The following DACH2 variants were observed in gnomAD, a reference collection of about 807,000 sequenced individuals.
DACH2 encodes the protein dachshund homolog 2.
DACH2 carries 17 observed loss-of-function variants against 35.8 expected under a neutral mutation model. The ratio of observed to expected loss-of-function variants is 0.48; its 90% CI spans 0.33 to 0.71. The LOEUF (loss-of-function observed/expected upper bound fraction) is 0.71. DACH2 is among the 30% of genes least tolerant of loss of function. The probability of loss-of-function intolerance (pLI) is 0.02; values close to 1 mark genes in which losing one functional copy is unlikely to be tolerated. For synonymous variants in DACH2, 195 were observed against 177.3 expected (o/e 1.10, Z -0.79); for missense variants, 469 against 472.7 (o/e 0.99, Z 0.07).
intron 1 of DACH2, among the ~76,000 whole-genome samples, chrX:86,220,619 C>G (rs1391341456): frequency 8.9e-6 from 1 of 112,095 alleles, no homozygotes; most frequent in Non-Finnish European, 1.9e-5. Context: ...TCCATTTGTA[C>G]ATTAAAGAAT....
chrX:86,509,261 G>A (rs1010986403), intron 2 of DACH2, among the ~76,000 whole-genome samples: 1 of 111,554 alleles, frequency 9.0e-6, no homozygotes, highest in Non-Finnish European at 1.9e-5. Context: ...TCTTTGTATT[G>A]ATCACTCCTG....
intron 1 of DACH2, among the ~76,000 whole-genome samples, chrX:86,195,100 G>T (rs893659902): frequency 1.8e-5 from 2 of 113,011 alleles, no homozygotes; most frequent in African/African-American, 6.4e-5. Context: ...CCCACAGCAA[G>T]CCTGCACATC....
intron 4 of DACH2, among the ~76,000 whole-genome samples, chrX:86,691,622 G>A (rs1334228292): frequency 9.0e-6 from 1 of 111,389 alleles, no homozygotes; most frequent in East Asian, 2.8e-4. Flanking sequence ...GCATGAACTC[G>A]CACAGAGGAA....
chrX:86,553,805 C>T (rs2039081297), intron 3 of DACH2, among the ~76,000 whole-genome samples: 1 of 111,753 alleles, frequency 8.9e-6, no homozygotes, highest in African/African-American at 3.3e-5. Flanking sequence ...GGGATCACCC[C>T]CATGGCAAAC....
chrX:86,542,760 C>T (rs2038903523), intron 3 of DACH2, among the ~76,000 whole-genome samples: 1 of 111,895 alleles, frequency 8.9e-6, no homozygotes, highest in African/African-American at 3.3e-5. Flanking sequence ...GCTGTCTGTG[C>T]ATATGGGCCT....
intron 6 of DACH2, among the ~76,000 whole-genome samples, chrX:86,735,380 A>G (rs2041584117): frequency 8.9e-6 from 1 of 111,858 alleles, no homozygotes. Flanking sequence ...AAAAAACTAA[A>G]TTTTCTAAAC....
intron 2 of DACH2, among the ~76,000 whole-genome samples, chrX:86,457,658 A>G (rs758827498): frequency 3.5e-5 from 4 of 112,692 alleles, no homozygotes; most frequent in African/African-American, 1.3e-4. Context: ...AGTAAATGAA[A>G]TAAATCTTTA....
chrX:86,694,207 A>AT (rs1415763792), intron 4 of DACH2, among the ~76,000 whole-genome samples: 3 of 111,728 alleles, frequency 2.7e-5, no homozygotes, highest in Non-Finnish European at 5.6e-5. Context: ...CTGCACAACC[A>AT]TTTTGTTTTC....
chrX:86,614,505 T>C (rs756886712), intron 3 of DACH2, among the ~76,000 whole-genome samples: 13 of 112,040 alleles, frequency 1.2e-4, no homozygotes, highest in Admixed American at 3.8e-4. Context: ...AGAGGAGATG[T>C]TATCCCATTT....
intron 1 of DACH2, among the ~76,000 whole-genome samples, chrX:86,328,795 C>T (rs1315357009): frequency 9.0e-6 from 1 of 111,313 alleles, no homozygotes; most frequent in East Asian, 2.8e-4. Flanking sequence ...CCCCACTTTC[C>T]CTTCTTGCTT....
chrX:86,672,094 A>G (rs1350642747), intron 4 of DACH2, among the ~76,000 whole-genome samples: 1 of 111,833 alleles, frequency 8.9e-6, no homozygotes, highest in East Asian at 2.8e-4. Flanking sequence ...GAGAGAGATG[A>G]TTTAGAGTAT....
In DACH2 at chrX:86,278,049, AG is replaced by A. The variant is rs760974439; in HGVS notation, c.489-98774del. ...TGGTTAGACCGAGAAGATGCTCCAA[AG>A]CACTTCCCAAAGCCAAACTTGCACC... On this transcript the variant is annotated intron_variant, in intron 1 of 11. Transcript: ENST00000373125. Among the ~76,000 whole-genome samples the A allele has an allele frequency of 6.3e-5, 7 of 111,701 alleles. No homozygotes were observed. In the South Asian group the frequency reaches 2.7e-3, roughly 43 times the overall value.
chrX:86,505,943 A>G (rs925636119), intron 2 of DACH2, among the ~76,000 whole-genome samples: 1 of 112,171 alleles, frequency 8.9e-6, no homozygotes, highest in African/African-American at 3.2e-5. Flanking sequence ...CTAATGTGGT[A>G]AAAAACTTCT....
intron 6 of DACH2, among the ~76,000 whole-genome samples, chrX:86,724,819 A>G (rs2041446785): frequency 9.0e-6 from 1 of 110,857 alleles, no homozygotes; most frequent in Non-Finnish European, 1.9e-5. Flanking sequence ...GGAAACACAG[A>G]TAATTCTTAA....
At chrX:86,526,561 T>C (rs1347567025) in intron 3 of DACH2, among the ~76,000 whole-genome samples, 2 of 110,662 alleles carry the variant, frequency 1.8e-5, no homozygotes, top group African/African-American at 6.7e-5. Context: ...GCTCTCAAAA[T>C]GGTAGTTCTT....
At chrX:86,588,753 A>G (rs2039606774) in intron 3 of DACH2, among the ~76,000 whole-genome samples, 1 of 110,937 alleles carries the variant, frequency 9.0e-6, no homozygotes, top group Non-Finnish European at 1.9e-5. Context: ...CAGATCTAGG[A>G]GCCTTTTGGT....
chrX:86,532,784 A>G (rs774683918), intron 3 of DACH2, among the ~76,000 whole-genome samples: 1 of 111,084 alleles, frequency 9.0e-6, no homozygotes, highest in African/African-American at 3.3e-5. Context: ...TCCTTTCTGA[A>G]GGTGACATCT....
intron 3 of DACH2, among the ~76,000 whole-genome samples, chrX:86,518,630 C>T (rs186200795): frequency 9.0e-6 from 1 of 111,590 alleles, no homozygotes; most frequent in African/African-American, 3.3e-5. Flanking sequence ...TAGCTCTATT[C>T]CTAGATGTTT....
intron 1 of DACH2, among the ~76,000 whole-genome samples, chrX:86,285,064 T>A (rs896471015): frequency 3.6e-5 from 4 of 112,058 alleles, no homozygotes; most frequent in African/African-American, 1.3e-4. Flanking sequence ...TTTATTTGAA[T>A]CTTCTTTCTT....
Sources: allele counts gnomAD v4.1 joint callset (sites outside exome capture counted in the v4.1 genomes callset), GRCh38; gene constraint gnomAD v4.1.1; transcripts MANE v1.5; gene names NCBI Gene and HGNC (gene_info 2026-07-23, HGNC 2026-07-21).